The following SFSWAP variants were observed in gnomAD, a reference collection of about 807,000 sequenced individuals.
The protein encoded by SFSWAP is splicing factor, suppressor of white-apricot homolog.
Under a neutral mutation model 100.7 loss-of-function variants are expected in SFSWAP, and 17 were observed. The observed-to-expected ratio is 0.17, with a 90% CI of 0.12 to 0.25. The LOEUF is 0.25. SFSWAP is among the 10% of genes least tolerant of loss of function. SFSWAP has a pLI of 1.00. For synonymous variants in SFSWAP, 504 were observed against 510.1 expected, an observed-to-expected ratio of 0.99 and a Z score of 0.16; for missense variants, 1,005 against 1,262.6, an observed-to-expected ratio of 0.80 and a Z score of 3.09.
rs772839012 is a variant in SFSWAP, at chr12:131,714,455, G to C, written c.388+215G>C. ...AGAATTTTCCCAGCTTTTGAGGGCA[G>C]ACTGGGATTTGAAAAAAACAAAAAC... On this transcript the variant is annotated intron_variant, in intron 2 of 17. Coordinates refer to ENST00000261674, the MANE Select transcript of SFSWAP (RefSeq NM_004592.4). The surrounding 1 kb of genome is among the most constrained non-coding windows in gnomAD (Gnocchi z 6.0). 2.3e-5 allele frequency: 12 copies of C among 516,768 alleles called. No homozygotes were observed. The highest frequency in any genetic ancestry group is 3.7e-5 in the Non-Finnish European group (11 of 295,626). The allele number at this position is 516,768 out of a possible 1,614,324, so 32.0% of individuals were successfully genotyped here.
Position 131,711,433 on chromosome 12 carries a change from G to C in SFSWAP, c.204G>C (p.Lys68Asn). 6.2e-7 allele frequency: 1 copy of C among 1,613,310 alleles called. No individual in the cohort carries two copies. Among genetic ancestry groups the C allele is most frequent in the South Asian group, 1.1e-5 (1 of 91,080 alleles). ...QHLIPWMGDH[K>N]ILIDRYDGRG... ...TCATCCCCTGGATGGGGGACCACAA[G>C]ATCCTCATCGACAGGTCGGTTCCTC... is the stretch of plus-strand genomic sequence containing the variant. The change falls in exon 1 of 18, where the codon AAG (lysine) becomes AAC (asparagine). Residue 68 changes from lysine to asparagine, a missense_variant. Physicochemically the swap from Lys to Asn is moderately conservative, Grantham distance 94. Coordinates refer to ENST00000261674, the MANE Select transcript of SFSWAP (RefSeq NM_004592.4). The surrounding 1 kb of genome is among the most constrained non-coding windows in gnomAD (Gnocchi z 4.9).
intron 10 of SFSWAP, among the ~76,000 whole-genome samples, chr12:131,756,091 T>G (rs1007613672): frequency 6.6e-6 from 1 of 152,242 alleles, no homozygotes; most frequent in Non-Finnish European, 1.5e-5. Context: ...CTCAGGAGAT[T>G]TCTTCAGACC....
intron 13 of SFSWAP, among the ~76,000 whole-genome samples, chr12:131,769,614 T>TTTTA (rs1033775542): frequency 3.3e-5 from 5 of 152,032 alleles, no homozygotes; most frequent in South Asian, 2.1e-4. Flanking sequence ...ATTTATTTTA[T>TTTTA]TTTATTTATT....
chr12:131,756,685 TA>T, intron 11 of SFSWAP, 41 bp downstream of exon 11: 1 of 1,502,968 alleles, frequency 6.7e-7, no homozygotes, highest in Non-Finnish European at 8.9e-7. Flanking sequence ...CATTCCACCA[TA>T]AGTTGGCAAG....
intron 7 of SFSWAP, among the ~76,000 whole-genome samples, chr12:131,751,601 C>A (rs1333203138): frequency 1.3e-5 from 2 of 151,504 alleles, no homozygotes; most frequent in Non-Finnish European, 3.0e-5. Context: ...GCAGCAGCTC[C>A]CCCCTTCCAG....
Position 131,711,491 on chromosome 12 carries a change from C to G in SFSWAP, c.218+44C>G, listed in dbSNP as rs114096246. 6.7e-7 allele frequency: 1 copy of G among 1,485,582 alleles called. No individual in the cohort carries two copies. Among genetic ancestry groups the G allele is most frequent in the African/African-American group, 1.4e-5 (1 of 72,710 alleles). 92.0% of individuals were successfully genotyped at this position (1,485,582 alleles called of 1,614,324 possible). ...CCGTCGATCCTTCCCTTCCCTCACC[C>G]GCTTGATCTCGTCTGATGTTGACTT... On this transcript the variant is annotated intron_variant, in intron 1 of 17. Transcript: ENST00000261674. This position sits in a 1 kb window ranked among gnomAD's most constrained non-coding sequence, Gnocchi z 4.9.
chr12:131,717,102 AAC>A (rs538367492), intron 3 of SFSWAP, among the ~76,000 whole-genome samples: 5 of 151,616 alleles, frequency 3.3e-5, no homozygotes, highest in Non-Finnish European at 7.4e-5. Context: ...TGAAACACCT[AAC>A]ACACACACAC....
chr12:131,769,345 G>T lies in SFSWAP; in HGVS notation c.2142+3037G>T, dbSNP rs746466951. On this transcript the variant is annotated intron_variant, in intron 13 of 17. Coordinates refer to ENST00000261674, the MANE Select transcript of SFSWAP (RefSeq NM_004592.4). ...AAAGTAAGGGACCTGTTACAGTGGC[G>T]TACGGGTTCTCATGTTTTGATATCG... is the stretch of plus-strand genomic sequence containing the variant. Among the ~76,000 whole-genome samples, 4 of 152,154 alleles carry T rather than the reference G, an allele frequency of 2.6e-5. No individual in the cohort carries two copies. In the South Asian group the frequency reaches 8.3e-4, roughly 32 times the overall value.
Position 131,714,936 on chromosome 12 carries a change from A to AGCC in SFSWAP, c.504_506dup (p.Pro169dup). On this transcript the variant is annotated inframe_insertion, in exon 3 of 18. Coordinates refer to ENST00000261674, the MANE Select transcript of SFSWAP (RefSeq NM_004592.4). This position sits in a 1 kb window ranked among gnomAD's most constrained non-coding sequence, Gnocchi z 6.0. ...CCGTCAGAGCCGACGGAGGAGGAGG[A>AGCC]GCCTTCCAAACAGAGAGGTGAGTGG... 1 of 1,614,014 alleles carries AGCC rather than the reference A, an allele frequency of 6.2e-7. No individual in the cohort carries two copies. Among genetic ancestry groups the AGCC allele is most frequent in the Non-Finnish European group, 8.5e-7 (1 of 1,180,008 alleles).
rs527286314 is a variant in SFSWAP at position 131,797,874 on chromosome 12, C to CA, written c.2717+515dup. On this transcript the variant is annotated intron_variant, in intron 16 of 17. Coordinates refer to ENST00000261674, the MANE Select transcript of SFSWAP (RefSeq NM_004592.4). ...AGACACCCTCCGCTGCCCAGGCACC[C>CA]ACACCCTGGGGGGACCAGAGAGGGC... Among the ~76,000 whole-genome samples, 475 of 152,362 alleles carry CA rather than the reference C, an allele frequency of 3.1e-3. 3 individuals carry two copies. Among genetic ancestry groups the CA allele is most frequent in the Non-Finnish European group, 5.3e-3 (360 of 68,038 alleles).
rs1319645854 is a variant in SFSWAP at position 131,753,120 on chromosome 12, C to T, written c.1082-3C>T. 6.2e-7 allele frequency: 1 copy of T among 1,614,030 alleles called. No individual in the cohort carries two copies. Among genetic ancestry groups the T allele is most frequent in the Non-Finnish European group, 8.5e-7 (1 of 1,179,946 alleles). The stretch of plus-strand genomic sequence containing the variant: ...CTCACTCCGGGGCAATGTGTCTCCA[C>T]AGCGACCGTGGCAGCCATGTATTAC... On this transcript the variant is annotated splice_polypyrimidine_tract_variant and splice_region_variant and intron_variant, in intron 7 of 17. Transcript: ENST00000261674.
At chr12:131,793,065 T>G (rs900266412) in intron 15 of SFSWAP, among the ~76,000 whole-genome samples, 6 of 151,724 alleles carry the variant, frequency 4.0e-5, no homozygotes, top group Non-Finnish European at 7.4e-5. Flanking sequence ...CCACAGCGAT[T>G]CAGTGAGGAA....
At chr12:131,762,541 T>A (rs1455562221) in intron 11 of SFSWAP, among the ~76,000 whole-genome samples, 2 of 152,242 alleles carry the variant, frequency 1.3e-5, no homozygotes, top group African/African-American at 4.8e-5. Context: ...AAATAATTGT[T>A]ATTAAATCAT....
chr12:131,781,274 G>A (rs1424719298), intron 14 of SFSWAP, among the ~76,000 whole-genome samples: 1 of 130,940 alleles, frequency 7.6e-6, no homozygotes, highest in Non-Finnish European at 1.5e-5. Flanking sequence ...GAGTCTCGCT[G>A]TCGCCTAGGC....
intron 7 of SFSWAP, among the ~76,000 whole-genome samples, chr12:131,740,938 T>C (rs1880545046): frequency 6.6e-6 from 1 of 151,028 alleles, no homozygotes; most frequent in Non-Finnish European, 1.5e-5. Flanking sequence ...GATACGAGGC[T>C]TTTCATTTCT....
At chr12:131,759,768 C>T (rs920532760) in intron 11 of SFSWAP, among the ~76,000 whole-genome samples, 1 of 151,100 alleles carries the variant, frequency 6.6e-6, no homozygotes, top group Non-Finnish European at 1.5e-5. Context: ...CGCCACTGTA[C>T]TCCAGCCTGG....
At position 131,730,893 on chromosome 12, in the gene SFSWAP, C is replaced by T. The variant is rs1383425495; in HGVS notation, c.1081+2465C>T. 1.3e-5 allele frequency among the ~76,000 whole-genome samples: 2 copies of T among 152,186 alleles called. No homozygotes were observed. The highest frequency in any genetic ancestry group is 1.3e-4 in the Admixed American group (2 of 15,280). Reference sequence around the variant, plus strand: ...CTCGACACAGCAAGAGTAGTGGATACACACATGTGAGAGTAAGGGTGCCTG... The same window carrying T: ...CTCGACACAGCAAGAGTAGTGGATATACACATGTGAGAGTAAGGGTGCCTG... On this transcript the variant is annotated intron_variant, in intron 7 of 17. Transcript: ENST00000261674. This position sits in a 1 kb window ranked among gnomAD's most constrained non-coding sequence, Gnocchi z 4.0.
At chr12:131,798,620 C>T (rs886598122) in intron 16 of SFSWAP, among the ~76,000 whole-genome samples, 1 of 152,008 alleles carries the variant, frequency 6.6e-6, no homozygotes, top group South Asian at 2.1e-4. Flanking sequence ...GTGGGCGCGG[C>T]GGCTCACGCC....
Position 131,766,399 on chromosome 12 carries a change from G to T in SFSWAP, c.2142+91G>T, listed in dbSNP as rs1309284373. 3.3e-6 allele frequency: 4 copies of T among 1,198,964 alleles called. No individual in the cohort carries two copies. The East Asian group carries it at 7.0e-5, about 21-fold the overall frequency. 74.3% of individuals were successfully genotyped at this position (1,198,964 alleles called of 1,614,324 possible). ...CTCCCTCCAGCTGCCCTAGTCTCTG[G>T]CCTGAGTGAGGGATATGAGCTCCCA... On this transcript the variant is annotated intron_variant, in intron 13 of 17. Coordinates refer to ENST00000261674, the MANE Select transcript of SFSWAP (RefSeq NM_004592.4).
Sources: gnomAD v4.1 joint callset for allele counts (sites outside exome capture counted in the v4.1 genomes callset) on GRCh38, gnomAD v4.1.1 for gene constraint, Gnocchi (gnomAD v3.1) non-coding constraint, MANE v1.5 for transcripts, NCBI Gene and HGNC (gene_info 2026-07-23, HGNC 2026-07-21) for gene names.